MACROD2: variants seen among roughly 807,000 people sequenced by gnomAD.
MACROD2 encodes mono-ADP ribosylhydrolase 2.
MACROD2 carries 36 observed loss-of-function variants against 70.4 expected under a neutral mutation model. The ratio of observed to expected loss-of-function variants is 0.51; its 90% CI spans 0.39 to 0.68. The LOEUF (loss-of-function observed/expected upper bound fraction) is 0.68, where lower values mean the gene tolerates loss of function less well. Ranked by LOEUF, MACROD2 falls within the 30% of genes least tolerant of loss-of-function variation. MACROD2 has a pLI of 0.00. For synonymous variants in MACROD2, 172 were observed against 178.8 expected (o/e 0.96, Z 0.30); for missense variants, 496 against 538.4 (o/e 0.92, Z 0.78).
Position 15,862,764 on chromosome 20 carries a change from G to C in MACROD2, c.665G>C (p.Cys222Ser). Residue 222 changes from cysteine to serine, a missense_variant, in exon 9 of 18, where the codon TGT (cysteine) becomes TCT (serine). By Grantham distance (112) the Cys-to-Ser change is moderately radical. Coordinates refer to ENST00000684519, the MANE Select transcript of MACROD2 (RefSeq NM_001351661.2). The part of the protein sequence containing the change: ...NHHEVDRIIF[C>S]VFLEVDFKIY... ...CTCTAGGTGGATCGGATCATTTTCTGTGTCTTCTTAGAAGTTGACTTCAAA... is the reference window on the plus strand; with the variant it reads ...CTCTAGGTGGATCGGATCATTTTCTCTGTCTTCTTAGAAGTTGACTTCAAA... The C allele has an allele frequency of 4.3e-6, 7 of 1,612,350 alleles. No homozygotes were observed. Among genetic ancestry groups the C allele is most frequent in the Non-Finnish European group, 5.9e-6 (7 of 1,179,292 alleles).
intron 12 of MACROD2, among the ~76,000 whole-genome samples, chr20:15,940,155 G>A (rs1273450161): frequency 6.6e-6 from 1 of 152,070 alleles, no homozygotes; most frequent in African/African-American, 2.4e-5. Flanking sequence ...GTGCAATGGT[G>A]CGATCTTGGC....
At chr20:14,126,457 T>C (rs1231564594) in intron 3 of MACROD2, among the ~76,000 whole-genome samples, 1 of 152,194 alleles carries the variant, frequency 6.6e-6, no homozygotes, top group Non-Finnish European at 1.5e-5. Flanking sequence ...TGGGGGTCCA[T>C]GTAGGCATAC....
chr20:15,928,746 C>T (rs889601858), intron 10 of MACROD2, among the ~76,000 whole-genome samples: 7 of 152,308 alleles, frequency 4.6e-5, no homozygotes, highest in Admixed American at 3.9e-4. Flanking sequence ...TATTCTGTTG[C>T]TCATAGAGCT....
intron 2 of MACROD2, among the ~76,000 whole-genome samples, chr20:14,063,773 G>C (rs1261435396): frequency 1.3e-5 from 2 of 152,116 alleles, no homozygotes; most frequent in Non-Finnish European, 2.9e-5. Context: ...TGCAGCCCAG[G>C]CTGGAGTGCA....
At chr20:14,784,860 T>G (rs2072348223) in intron 5 of MACROD2, among the ~76,000 whole-genome samples, 1 of 151,940 alleles carries the variant, frequency 6.6e-6, no homozygotes, top group African/African-American at 2.4e-5. Flanking sequence ...TTTTGTGACA[T>G]CAGGCATCAA....
Position 15,967,681 on chromosome 20 carries a change from G to GAA in MACROD2, c.985+70_985+71dup, listed in dbSNP as rs11467891. 4,009 of 415,612 alleles carry GAA rather than the reference G, an allele frequency of 9.6e-3. 2 individuals are homozygous for GAA. Among genetic ancestry groups the GAA allele is most frequent in the South Asian group, 0.014 (376 of 26,038 alleles). The allele number at this position is 415,612 out of a possible 1,614,324, so 25.7% of individuals were successfully genotyped here. ...TTTTCTTTTCTTCTGCTGGGAAACA[G>GAA]AAAAAAAAAAAAAAAAAAAACCCAC... is the stretch of plus-strand genomic sequence containing the variant. On this transcript the variant is annotated intron_variant, in intron 13 of 17. Transcript: ENST00000684519.
At chr20:15,551,156 C>T (rs1170455342) in intron 8 of MACROD2, among the ~76,000 whole-genome samples, 4 of 152,062 alleles carry the variant, frequency 2.6e-5, no homozygotes, top group African/African-American at 9.7e-5. Context: ...TATAGGCTTT[C>T]AACAGATCGC....
chr20:14,773,449 C>T (rs2072196606), intron 5 of MACROD2, among the ~76,000 whole-genome samples: 1 of 152,010 alleles, frequency 6.6e-6, no homozygotes, highest in Admixed American at 6.6e-5. Context: ...TTAGACTTCA[C>T]ATATAAATGA....
intron 3 of MACROD2, among the ~76,000 whole-genome samples, chr20:14,212,993 G>T (rs530412246): frequency 2.6e-5 from 4 of 151,696 alleles, no homozygotes; most frequent in Non-Finnish European, 1.5e-5. Context: ...TATACATCAC[G>T]CAACAACAGA....
At chr20:15,790,367 A>G (rs978221936) in intron 8 of MACROD2, among the ~76,000 whole-genome samples, 3 of 151,962 alleles carry the variant, frequency 2.0e-5, no homozygotes, top group Non-Finnish European at 4.4e-5. Context: ...CATTAAAATT[A>G]TTCTAGAAAT....
chr20:14,519,087 A>G (rs2085135894), intron 4 of MACROD2, among the ~76,000 whole-genome samples: 1 of 152,240 alleles, frequency 6.6e-6, no homozygotes, highest in African/African-American at 2.4e-5. Context: ...GAGATAGACA[A>G]GAGAATGACT....
At chr20:14,612,600 C>G (rs1378111820) in intron 4 of MACROD2, among the ~76,000 whole-genome samples, 1 of 151,996 alleles carries the variant, frequency 6.6e-6, no homozygotes, top group Non-Finnish European at 1.5e-5. Flanking sequence ...TTCAGTTGCT[C>G]AACTGCAGCT....
chr20:14,718,292 C>CAAAAAAAAAAAAAAAAA lies in MACROD2; in HGVS notation c.418+33343_418+33359dup, dbSNP rs11358439. Among the ~76,000 whole-genome samples, 37 of 54,646 alleles carry CAAAAAAAAAAAAAAAAA rather than the reference C, an allele frequency of 6.8e-4. 1 individual carries two copies. The highest frequency in any genetic ancestry group is 7.5e-4 in the Non-Finnish European group (25 of 33,464). The allele number at this position is 54,646 out of a possible 152,430, so 35.8% of individuals were successfully genotyped here. A position where few individuals can be genotyped will look rare whatever the true frequency, so the allele number is the denominator to read the frequency against. On this transcript the variant is annotated intron_variant, in intron 5 of 17. Coordinates refer to ENST00000684519, the MANE Select transcript of MACROD2 (RefSeq NM_001351661.2). ...TGGGCGACAGAGAGAGACTCTGTCTCAAAAAAAAAAAAAAAAAAAAAAAAA... is the reference window on the plus strand; with the variant it reads ...TGGGCGACAGAGAGAGACTCTGTCTCAAAAAAAAAAAAAAAAAAAAAAAAAAAAAAAAAAAAAAAAAA...
At chr20:15,416,513 A>C (rs1056569980) in intron 6 of MACROD2, among the ~76,000 whole-genome samples, 1 of 152,184 alleles carries the variant, frequency 6.6e-6, no homozygotes, top group Non-Finnish European at 1.5e-5. Context: ...CATAAACCAT[A>C]CTAGAGTTTA....
At chr20:14,674,334 A>G (rs1445953404) in intron 4 of MACROD2, among the ~76,000 whole-genome samples, 1 of 152,150 alleles carries the variant, frequency 6.6e-6, no homozygotes, top group Non-Finnish European at 1.5e-5. Context: ...CCACCTGTTT[A>G]TTTATTAAGT....
intron 5 of MACROD2, among the ~76,000 whole-genome samples, chr20:14,907,794 A>T (rs1018879812): frequency 1.3e-5 from 2 of 152,126 alleles, no homozygotes; most frequent in Non-Finnish European, 2.9e-5. Flanking sequence ...GAAAGAGTTT[A>T]GATATTGACT....
chr20:14,519,228 C>G (rs1440016874), intron 4 of MACROD2, among the ~76,000 whole-genome samples: 1 of 152,034 alleles, frequency 6.6e-6, no homozygotes, highest in Non-Finnish European at 1.5e-5. Context: ...ACAAGGAGAC[C>G]TTTCTTAGAA....
At chr20:15,515,727 C>T (rs2047557861) in intron 8 of MACROD2, among the ~76,000 whole-genome samples, 1 of 152,198 alleles carries the variant, frequency 6.6e-6, no homozygotes, top group African/African-American at 2.4e-5. Flanking sequence ...GTATCTGTCT[C>T]ATACAGATTA....
intron 5 of MACROD2, among the ~76,000 whole-genome samples, chr20:15,095,519 G>T (rs2075824395): frequency 6.6e-6 from 1 of 151,546 alleles, no homozygotes; most frequent in African/African-American, 2.4e-5. Flanking sequence ...TTTTTGTTTT[G>T]TTTTGTTTTG....
Sources: gnomAD v4.1 joint callset for allele counts (sites outside exome capture counted in the v4.1 genomes callset) on GRCh38, gnomAD v4.1.1 for gene constraint, MANE v1.5 for transcripts, NCBI Gene and HGNC (gene_info 2026-07-23, HGNC 2026-07-21) for gene names.